BANP: variants seen among roughly 807,000 people sequenced by gnomAD.
The protein encoded by BANP is protein BANP.
In BANP, 11 loss-of-function variants were observed where a neutral mutation model predicts 68.1. The ratio of observed to expected loss-of-function variants is 0.16; its 90% CI spans 0.10 to 0.27. The LOEUF (loss-of-function observed/expected upper bound fraction) is 0.27. Among genes scored for constraint, BANP ranks in the 10% least tolerant of loss-of-function variants. The probability of loss-of-function intolerance (pLI) is 1.00; values close to 1 mark genes in which losing one functional copy is unlikely to be tolerated. For missense variants in BANP, 504 were observed against 722.7 expected (o/e 0.70, Z 3.47); for synonymous variants, 329 against 303.2 (o/e 1.09, Z -0.88).
chr16:87,954,884 C>G (rs763524985), intron 1 of BANP, among the ~76,000 whole-genome samples: 4 of 152,234 alleles, frequency 2.6e-5, no homozygotes, highest in Non-Finnish European at 4.4e-5. Flanking sequence ...CTGTTCTATT[C>G]ACTCCACCTT....
upstream of BANP, among the ~76,000 whole-genome samples, chr16:87,949,948 G>T (rs754391848): frequency 7.8e-4 from 118 of 151,386 alleles, 1 homozygote; most frequent in Non-Finnish European, 1.3e-3. Flanking sequence ...CGCCATCTCG[G>T]CTCACTGCAA....
intron 7 of BANP, among the ~76,000 whole-genome samples, chr16:88,027,282 G>A (rs1044073249): frequency 3.3e-5 from 5 of 152,148 alleles, no homozygotes; most frequent in Non-Finnish European, 2.9e-5. Context: ...TTTATATCTC[G>A]TGGGGAGCCC....
intron 4 of BANP, among the ~76,000 whole-genome samples, chr16:87,997,805 A>G (rs1269341702): frequency 2.0e-5 from 3 of 152,272 alleles, no homozygotes; most frequent in African/African-American, 4.8e-5. Flanking sequence ...GTACTCCTTG[A>G]GCTCAGCAGA....
intron 4 of BANP, among the ~76,000 whole-genome samples, chr16:87,987,985 T>C (rs778756315): frequency 1.3e-5 from 2 of 152,088 alleles, no homozygotes; most frequent in African/African-American, 2.4e-5. Context: ...GCTGGGCATC[T>C]TTCCATACAA....
intron 11 of BANP, among the ~76,000 whole-genome samples, chr16:88,046,174 CT>C (rs1203783368): frequency 2.0e-5 from 3 of 152,242 alleles, no homozygotes; most frequent in Non-Finnish European, 4.4e-5. Flanking sequence ...GACTGCGGCC[CT>C]TAGAGCCTCC....
rs1309580539 is a variant in BANP at position 87,953,853 on chromosome 16, ATGTTCAGGAATGTTTTCATCTTGGCTC to A, written c.-69+2344_-69+2370del. Among the ~76,000 whole-genome samples the A allele has an allele frequency of 7.2e-5, 11 of 152,248 alleles. No homozygotes were observed. In the East Asian group the frequency reaches 2.1e-3, roughly 29 times the overall value. Reference sequence around the variant, plus strand: ...ATTTTCCTTTCTTCTGTAGCTGGGTATGTTCAGGAATGTTTTCATCTTGGCTCTGTTCGTTTCCACAGGAACCTCTGG... The same window carrying A: ...ATTTTCCTTTCTTCTGTAGCTGGGTATGTTCGTTTCCACAGGAACCTCTGG... On this transcript the variant is annotated intron_variant, in intron 1 of 13. Coordinates refer to ENST00000682872, the MANE Select transcript of BANP (RefSeq NM_001386991.1).
chr16:88,013,819 G>C (rs886625224), intron 6 of BANP, among the ~76,000 whole-genome samples: 1 of 152,222 alleles, frequency 6.6e-6, no homozygotes, highest in Admixed American at 6.5e-5. Flanking sequence ...TGCTAATGCT[G>C]CTGGTCTGAG....
At chr16:87,992,863 C>G (rs1380030047) in intron 4 of BANP, among the ~76,000 whole-genome samples, 1 of 151,812 alleles carries the variant, frequency 6.6e-6, no homozygotes, top group African/African-American at 2.4e-5. Flanking sequence ...AGATTATTTT[C>G]TTTTCCCCTA....
At chr16:88,075,486 G>T (rs1336828467) in intron 13 of BANP, among the ~76,000 whole-genome samples, 1 of 152,186 alleles carries the variant, frequency 6.6e-6, no homozygotes, top group Non-Finnish European at 1.5e-5. Flanking sequence ...CTGGGCAACA[G>T]AGCAAGACCC....
intron 10 of BANP, 32 bp downstream of exon 10, chr16:88,035,426 G>T (rs1032107873): frequency 1.3e-6 from 2 of 1,567,826 alleles, no homozygotes; most frequent in Non-Finnish European, 1.7e-6. Flanking sequence ...CACTGTCCCT[G>T]CAGGCACCGT....
chr16:87,999,349 T>G (rs546013643), intron 4 of BANP, among the ~76,000 whole-genome samples: 12 of 143,536 alleles, frequency 8.4e-5, no homozygotes, highest in Non-Finnish European at 1.2e-4. Context: ...TGCGCGGCTG[T>G]ACTTACCTGT....
rs1434324628 is a variant in BANP at position 88,004,401 on chromosome 16, G to T, written c.469G>T (p.Val157Phe). Residue 157 changes from valine (V) to phenylalanine (F), a missense_variant, in exon 5 of 14, where the codon GTC (valine) becomes TTC (phenylalanine). Coordinates refer to ENST00000682872, the MANE Select transcript of BANP (RefSeq NM_001386991.1). The surrounding 1 kb of genome is among the most constrained non-coding windows in gnomAD (Gnocchi z 7.0). ...CAGGGCACCGGATTCCCTGGAAAAT[G>T]TCATTAGCAAGTCAGTAGCACGGCA... ...SNRAPDSLEN[V>F]ISNAVPGRRQ... The T allele has an allele frequency of 2.0e-6, 3 of 1,526,966 alleles. No individual in the cohort carries two copies. In the Middle Eastern group the frequency reaches 5.0e-4, roughly 257 times the overall value. 94.6% of individuals were successfully genotyped at this position (1,526,966 alleles called of 1,614,324 possible).
At chr16:88,040,868 G>T (rs1405478498) in intron 11 of BANP, among the ~76,000 whole-genome samples, 3 of 152,248 alleles carry the variant, frequency 2.0e-5, no homozygotes, top group Non-Finnish European at 4.4e-5. Flanking sequence ...GCTGTTTTAA[G>T]TTCCTAGATC....
chr16:87,999,403 T>C (rs1436080307), intron 4 of BANP, among the ~76,000 whole-genome samples: 14 of 105,252 alleles, frequency 1.3e-4, no homozygotes, highest in African/African-American at 2.3e-4. Context: ...CGGCTGGACT[T>C]ACCTGTCCTT....
chr16:87,999,327 C>T (rs1349608699), intron 4 of BANP, among the ~76,000 whole-genome samples: 1 of 147,072 alleles, frequency 6.8e-6, no homozygotes, highest in Non-Finnish European at 1.5e-5. Context: ...GACACGTCTC[C>T]ATGCACGCAC....
intron 1 of BANP, chr16:87,956,791 C>T (rs1423268287): frequency 3.9e-5 from 6 of 152,196 alleles, no homozygotes; most frequent in Admixed American, 6.5e-5. Flanking sequence ...CACTCTGGCC[C>T]CCCCTTTGGA....
chr16:88,051,541 G>A (rs921622922), intron 11 of BANP, among the ~76,000 whole-genome samples: 1 of 152,158 alleles, frequency 6.6e-6, no homozygotes, highest in Non-Finnish European at 1.5e-5. Context: ...AGTGCTGAGC[G>A]CGATGTGTTC....
At chr16:88,060,641 C>G (rs548727274) in intron 11 of BANP, among the ~76,000 whole-genome samples, 1 of 152,184 alleles carries the variant, frequency 6.6e-6, no homozygotes, top group Non-Finnish European at 1.5e-5. Context: ...TGGAGGTGGC[C>G]TCTTTCTGTG....
At chr16:88,050,718 TCA>T (rs1381679273) in intron 11 of BANP, among the ~76,000 whole-genome samples, 1 of 152,130 alleles carries the variant, frequency 6.6e-6, no homozygotes, top group Non-Finnish European at 1.5e-5. Context: ...AGAGACAGTC[TCA>T]CTCTGTTGTC....
Sources: gnomAD v4.1 joint callset for allele counts (sites outside exome capture counted in the v4.1 genomes callset) on GRCh38, gnomAD v4.1.1 for gene constraint, Gnocchi (gnomAD v3.1) non-coding constraint, MANE v1.5 for transcripts, NCBI Gene and HGNC (gene_info 2026-07-23, HGNC 2026-07-21) for gene names.